Variants in FBXW8 observed in about 807,000 individuals in gnomAD.
The protein encoded by FBXW8 is F-box and WD repeat domain containing 8.
A neutral mutation model predicts 65.3 loss-of-function variants in FBXW8; 57 were observed. That is an observed-to-expected ratio of 0.87 (90% CI 0.71 to 1.09). The LOEUF is 1.09. Among genes scored for constraint, FBXW8 ranks in the 50% least tolerant of loss-of-function variants. The pLI, the probability that FBXW8 is intolerant of heterozygous loss-of-function variation, is 0.00. For synonymous variants in FBXW8, 308 were observed against 330.2 expected (o/e 0.93, Z 0.73); for missense variants, 777 against 814.8 (o/e 0.95, Z 0.57).
chr12:116,928,411 C>A (rs1199517314), intron 2 of FBXW8, among the ~76,000 whole-genome samples: 1 of 152,132 alleles, frequency 6.6e-6, no homozygotes, highest in Non-Finnish European at 1.5e-5. Context: ...TGGTGCTAAG[C>A]CTTTATTGAG....
At chr12:116,951,434 A>G (rs541777843) in intron 4 of FBXW8, 1 of 152,302 alleles carries the variant, frequency 6.6e-6, no homozygotes, top group South Asian at 2.1e-4. Context: ...GGCTTTCTAC[A>G]GTTATGTATC....
intron 5 of FBXW8, among the ~76,000 whole-genome samples, chr12:116,972,174 C>T (rs546219714): frequency 1.3e-5 from 2 of 152,244 alleles, no homozygotes; most frequent in South Asian, 4.2e-4. Flanking sequence ...TTCACAGTAG[C>T]TGTTCTATTT....
Position 117,027,391 on chromosome 12 carries a change from C to G in FBXW8, c.1542-3C>G, listed in dbSNP as rs374044450. ...TTACGAGCTCTCTCCCACTGCCTTC[C>G]AGGCACCCGGTGCAGCACATCTCAT... On this transcript the variant is annotated splice_polypyrimidine_tract_variant and splice_region_variant and intron_variant, in intron 9 of 10. Coordinates refer to ENST00000652555, the MANE Select transcript of FBXW8 (RefSeq NM_153348.3). The G allele has an allele frequency of 1.2e-6, 2 of 1,613,494 alleles. No homozygotes were observed. The highest frequency in any genetic ancestry group is 4.5e-5 in the East Asian group (2 of 44,866).
chr12:117,014,120 C>A (rs1475639196), intron 8 of FBXW8, among the ~76,000 whole-genome samples: 1 of 152,148 alleles, frequency 6.6e-6, no homozygotes, highest in Non-Finnish European at 1.5e-5. Context: ...CATGTTCTTT[C>A]CCAAACCTTT....
rs190442192 is a variant in FBXW8, at chr12:116,999,672, G to C, written c.1240-10651G>C. ...GCTGCGTGGCGAGGAGCATGGGTAA[G>C]GCCCCGGTGCCCATCTTCAGCCTGG... On this transcript the variant is annotated intron_variant, in intron 7 of 10. Transcript: ENST00000652555. Among the ~76,000 whole-genome samples the C allele has an allele frequency of 5.4e-3, 821 of 152,280 alleles. 11 individuals are homozygous for C. The highest frequency in any genetic ancestry group is 0.019 in the African/African-American group (793 of 41,564).
intron 5 of FBXW8, among the ~76,000 whole-genome samples, chr12:116,975,321 T>C (rs1884859752): frequency 6.6e-6 from 1 of 152,234 alleles, no homozygotes. Flanking sequence ...TTCTGGAGGC[T>C]GGAAAGTCCA....
intron 5 of FBXW8, among the ~76,000 whole-genome samples, chr12:116,984,951 C>T (rs936744918): frequency 1.3e-5 from 2 of 152,156 alleles, no homozygotes; most frequent in African/African-American, 4.8e-5. Context: ...GATAGCACCA[C>T]TGCACTCCAG....
chr12:117,009,172 G>A (rs1953746055), intron 7 of FBXW8, among the ~76,000 whole-genome samples: 1 of 152,188 alleles, frequency 6.6e-6, no homozygotes, highest in Non-Finnish European at 1.5e-5. Context: ...AAAAGTTTGA[G>A]ACCCGGCTGG....
At chr12:116,939,067 G>A (rs1882378413) in intron 2 of FBXW8, among the ~76,000 whole-genome samples, 1 of 152,190 alleles carries the variant, frequency 6.6e-6, no homozygotes, top group Non-Finnish European at 1.5e-5. Flanking sequence ...ACCCAAATCA[G>A]TGTTCTCTAA....
intron 2 of FBXW8, among the ~76,000 whole-genome samples, chr12:116,943,410 T>C (rs1244228383): frequency 6.6e-6 from 1 of 152,272 alleles, no homozygotes; most frequent in African/African-American, 2.4e-5. Context: ...GTGACTTTTC[T>C]GGAATAATTC....
chr12:117,011,618 G>A (rs1162880998), intron 8 of FBXW8, among the ~76,000 whole-genome samples: 2 of 152,020 alleles, frequency 1.3e-5, no homozygotes, highest in Admixed American at 6.6e-5. Flanking sequence ...TTTTAATCCC[G>A]CATTTTAGTT....
At chr12:116,920,721 G>T (rs1880830275) in intron 1 of FBXW8, among the ~76,000 whole-genome samples, 1 of 152,198 alleles carries the variant, frequency 6.6e-6, no homozygotes, top group Non-Finnish European at 1.5e-5. Context: ...CCCGCACTTA[G>T]TTTAATGCTC....
intron 8 of FBXW8, among the ~76,000 whole-genome samples, chr12:117,021,399 A>ACTTTCTGATT (rs1439422797): frequency 6.6e-6 from 1 of 152,110 alleles, no homozygotes; most frequent in Non-Finnish European, 1.5e-5. Flanking sequence ...CATTGGACTG[A>ACTTTCTGATT]CTTTCTGATT....
At chr12:117,011,761 T>C (rs573740337) in intron 8 of FBXW8, among the ~76,000 whole-genome samples, 1 of 152,278 alleles carries the variant, frequency 6.6e-6, no homozygotes, top group Admixed American at 6.5e-5. Flanking sequence ...CAGAGTTTGC[T>C]TGCAGTGTGA....
At position 117,031,079 on chromosome 12, in the gene FBXW8, A is replaced by G. The variant is rs1954347499; in HGVS notation, c.*2907A>G. On this transcript the variant is annotated 3_prime_UTR_variant, in exon 11 of 11. Transcript: ENST00000652555. ...CCTGAAGATCTCATATCGCCTCTCA[A>G]AACACTGTCGGACTTGCTTTCTGCT... is the stretch of plus-strand genomic sequence containing the variant. 1 of 152,208 alleles carries G rather than the reference A, an allele frequency of 6.6e-6. No individual in the cohort carries two copies. The highest frequency in any genetic ancestry group is 6.5e-5 in the Admixed American group (1 of 15,288). The allele number at this position is 152,208 out of a possible 1,614,324, so 9.4% of individuals were successfully genotyped here. A position where few individuals can be genotyped will look rare whatever the true frequency, so the allele number is the denominator to read the frequency against.
intron 2 of FBXW8, among the ~76,000 whole-genome samples, chr12:116,937,471 A>G (rs760944339): frequency 6.8e-4 from 104 of 152,206 alleles, no homozygotes; most frequent in Non-Finnish European, 1.1e-3. Flanking sequence ...AGGCAGGAAG[A>G]AAACCCAGAT....
intron 1 of FBXW8, among the ~76,000 whole-genome samples, chr12:116,911,773 C>T (rs1879965131): frequency 6.6e-6 from 1 of 152,046 alleles, no homozygotes; most frequent in Admixed American, 6.6e-5. Context: ...ACAAAGGTTG[C>T]CTTTGAAAAG....
intron 1 of FBXW8, among the ~76,000 whole-genome samples, chr12:116,926,459 C>T (rs1180004898): frequency 6.6e-6 from 1 of 152,132 alleles, no homozygotes; most frequent in Non-Finnish European, 1.5e-5. Context: ...GCAGTGACTC[C>T]CTCCAGTGTT....
intron 3 of FBXW8, among the ~76,000 whole-genome samples, chr12:116,946,578 C>G (rs974391817): frequency 6.6e-6 from 1 of 152,130 alleles, no homozygotes; most frequent in Non-Finnish European, 1.5e-5. Context: ...TGCTGGATGT[C>G]CCCTGGGAAT....
Sources: gnomAD v4.1 joint callset for allele counts (sites outside exome capture counted in the v4.1 genomes callset) on GRCh38, gnomAD v4.1.1 for gene constraint, MANE v1.5 for transcripts, NCBI Gene and HGNC (gene_info 2026-07-23, HGNC 2026-07-21) for gene names.